The following AGL variants were observed in gnomAD, a reference collection of about 807,000 sequenced individuals.
AGL encodes the protein glycogen debranching enzyme.
Under a neutral mutation model 199.3 loss-of-function variants are expected in AGL, and 128 were observed. That is an observed-to-expected ratio of 0.64 (90% CI 0.56 to 0.74). The LOEUF (loss-of-function observed/expected upper bound fraction) is 0.74, where lower values mean the gene tolerates loss of function less well. Among genes scored for constraint, AGL ranks in the 30% least tolerant of loss-of-function variants. AGL has a pLI of 0.00. For missense variants in AGL, 1,809 were observed against 1,820.8 expected, an observed-to-expected ratio of 0.99 and a Z score of 0.12; for synonymous variants, 584 against 594.7, an observed-to-expected ratio of 0.98 and a Z score of 0.26.
chr1:99,906,301 A>C (rs1238632438), intron 27 of AGL, among the ~76,000 whole-genome samples: 1 of 152,218 alleles, frequency 6.6e-6, no homozygotes, highest in East Asian at 1.9e-4. Context: ...AGAGTTGTAC[A>C]TACTTAGCAT....
intron 21 of AGL, among the ~76,000 whole-genome samples, chr1:99,890,649 AAATAT>A (rs776315997): frequency 3.4e-4 from 50 of 147,498 alleles, no homozygotes; most frequent in African/African-American, 1.1e-3. Context: ...AAGAAAAAAA[AAATAT>A]ATATATATAT....
intron 2 of AGL, among the ~76,000 whole-genome samples, chr1:99,855,975 A>G (rs1437862521): frequency 6.6e-6 from 1 of 152,222 alleles, no homozygotes; most frequent in Non-Finnish European, 1.5e-5. Context: ...AGGGGAAAAG[A>G]TAGAACATAT....
intron 2 of AGL, among the ~76,000 whole-genome samples, chr1:99,856,874 T>C (rs527330742): frequency 6.6e-6 from 1 of 152,234 alleles, no homozygotes; most frequent in Non-Finnish European, 1.5e-5. Context: ...CTGATTTCTC[T>C]ATCTTTTCCC....
intron 21 of AGL, among the ~76,000 whole-genome samples, chr1:99,889,500 C>G (rs1652717007): frequency 6.6e-6 from 1 of 152,058 alleles, no homozygotes; most frequent in Non-Finnish European, 1.5e-5. Flanking sequence ...TCACTTGAGC[C>G]CAAGAGAGGT....
At chr1:99,872,056 A>C (rs894689284) in intron 7 of AGL, among the ~76,000 whole-genome samples, 1 of 152,162 alleles carries the variant, frequency 6.6e-6, no homozygotes, top group Non-Finnish European at 1.5e-5. Context: ...TTGTTCTTTT[A>C]GTTGACAATA....
At position 99,896,270 on chromosome 1, in the gene AGL, G is replaced by A. The variant is rs2100803506; in HGVS notation, c.3260-16G>A. 2 of 1,581,100 alleles carry A rather than the reference G, an allele frequency of 1.3e-6. No homozygotes were observed. The highest frequency in any genetic ancestry group is 1.7e-6 in the Non-Finnish European group (2 of 1,150,126). Reference sequence around the variant, plus strand: ...ATTATGATTAACATATTACTTTGTTGTGTTTTTTTTGTTAGGCTTACCTCA... The same window carrying A: ...ATTATGATTAACATATTACTTTGTTATGTTTTTTTTGTTAGGCTTACCTCA... On this transcript the variant is annotated splice_polypyrimidine_tract_variant and intron_variant, in intron 24 of 33. Coordinates refer to ENST00000361915, the MANE Select transcript of AGL (RefSeq NM_000642.3).
intron 11 of AGL, 88 bp from the exon 12 acceptor site, chr1:99,877,553 C>G: frequency 4.9e-6 from 6 of 1,221,970 alleles, no homozygotes; most frequent in South Asian, 1.2e-5. Context: ...CAGAAATGAT[C>G]AAAGCAATTT....
rs189853189 is a variant in AGL at position 99,903,721 on chromosome 1, A to G, written c.3700+927A>G. On this transcript the variant is annotated intron_variant, in intron 27 of 33. Coordinates refer to ENST00000361915, the MANE Select transcript of AGL (RefSeq NM_000642.3). ...CTGAGGAATCGCCACACTGACTTCC[A>G]CAATGGTTGAACTAGTTAACAGTCC... Among the ~76,000 whole-genome samples, 472 of 152,324 alleles carry G rather than the reference A, an allele frequency of 3.1e-3. 11 individuals carry two copies. Among genetic ancestry groups the G allele is most frequent in the Admixed American group, 0.029 (449 of 15,298 alleles).
Position 99,876,514 on chromosome 1 carries a change from A to C in AGL, c.1340A>C (p.His447Pro). The C allele has an allele frequency of 6.2e-7, 1 of 1,612,770 alleles. No homozygotes were observed. Among genetic ancestry groups the C allele is most frequent in the Admixed American group, 1.7e-5 (1 of 60,010 alleles). Residue 447 changes from histidine to proline, a missense_variant, in exon 11 of 34, where the codon CAT becomes CCT. By Grantham distance (77) the His-to-Pro change is moderately conservative. Transcript: ENST00000361915. ...TTCTCCATGGAAGAATCTATGATTC[A>C]TCTGCCAAATAAAGCTTGTTTTCTG... is the stretch of plus-strand genomic sequence containing the variant. ...IDFSMEESMI[H>P]LPNKACFLMA...
intron 24 of AGL, 62 bp downstream of exon 24, chr1:99,892,669 T>C (rs558992269): frequency 4.0e-6 from 6 of 1,513,424 alleles, no homozygotes; most frequent in South Asian, 3.4e-5. Flanking sequence ...AGAAAAGTTA[T>C]AGGAAAATGA....
Position 99,886,106 on chromosome 1 carries a change from G to A in AGL, c.2681+1403G>A, listed in dbSNP as rs138011841. Among the ~76,000 whole-genome samples the A allele has an allele frequency of 7.1e-3, 1,076 of 152,202 alleles. 8 individuals carry two copies. Among genetic ancestry groups the A allele is most frequent in the African/African-American group, 0.025 (1,034 of 41,516 alleles). On this transcript the variant is annotated intron_variant, in intron 20 of 33. Transcript: ENST00000361915. ...AATACTGAGTATATATTATTATAAC[G>A]TAGTGTTTAAGGGCATGGAGTATAG...
At chr1:99,910,948 G>A in intron 28 of AGL, 101 bp downstream of exon 28, 1 of 1,317,486 alleles carries the variant, frequency 7.6e-7, no homozygotes, top group Non-Finnish European at 1.1e-6. Context: ...TTTACATTAA[G>A]TCAATCAAAA....
At position 99,915,494 on chromosome 1, in the gene AGL, G is replaced by A; in HGVS notation, c.4259+8G>A. ...GAAAACTTTAGATCCAGAGTAAGTT[G>A]GAATATAAGTATTAAGAATGTTATC... On this transcript the variant is annotated splice_region_variant and intron_variant, in intron 31 of 33. Transcript: ENST00000361915. The A allele has an allele frequency of 6.3e-7, 1 of 1,585,884 alleles. No individual in the cohort carries two copies. Among genetic ancestry groups the A allele is most frequent in the Non-Finnish European group, 8.7e-7 (1 of 1,155,140 alleles).
At chr1:99,898,235 AC>A (rs1262612452) in intron 25 of AGL, among the ~76,000 whole-genome samples, 1 of 151,856 alleles carries the variant, frequency 6.6e-6, no homozygotes, top group African/African-American at 2.4e-5. Flanking sequence ...TTTAGTAGAG[AC>A]CGGGTTTCAC....
intron 27 of AGL, among the ~76,000 whole-genome samples, chr1:99,907,693 G>GTTTTTTTTGTTTTT (rs148390359): frequency 8.4e-5 from 10 of 118,972 alleles, no homozygotes; most frequent in African/African-American, 1.2e-4. Context: ...TTTGTTTTTT[G>GTTTTTTTTGTTTTT]TTTTTTTTGC....
intron 25 of AGL, among the ~76,000 whole-genome samples, chr1:99,898,650 T>C (rs967177584): frequency 6.6e-6 from 1 of 152,172 alleles, no homozygotes; most frequent in African/African-American, 2.4e-5. Context: ...TTCTATATAC[T>C]GATTCAGGGA....
At chr1:99,917,839 TATC>T (rs1655243945) in intron 33 of AGL, among the ~76,000 whole-genome samples, 1 of 152,192 alleles carries the variant, frequency 6.6e-6, no homozygotes, top group African/African-American at 2.4e-5. Flanking sequence ...GCCTGTGTGC[TATC>T]ATCATCATCC....
In AGL at chr1:99,900,890, GTTT is replaced by G. The variant is rs35956186; in HGVS notation, c.3588+42_3588+44del. On this transcript the variant is annotated intron_variant, in intron 26 of 33. Coordinates refer to ENST00000361915, the MANE Select transcript of AGL (RefSeq NM_000642.3). ...AAGATATTTCTTAAAATGTTTTTTT[GTTT>G]TTTTTTTTTTTTCTGAAAAATGACT... 3,828 of 1,303,416 alleles carry G rather than the reference GTTT, an allele frequency of 2.9e-3. 3 individuals carry two copies. Among genetic ancestry groups the G allele is most frequent in the African/African-American group, 6.7e-3 (433 of 64,594 alleles). 80.7% of individuals were successfully genotyped at this position (1,303,416 alleles called of 1,614,324 possible).
intron 31 of AGL, 44 bp from the exon 32 acceptor site, chr1:99,916,366 A>G: frequency 7.1e-7 from 1 of 1,413,932 alleles, no homozygotes; most frequent in Non-Finnish European, 9.9e-7. Flanking sequence ...TTTACATAAT[A>G]TCTGATCATC....
Sources: gnomAD v4.1 joint callset for allele counts (sites outside exome capture counted in the v4.1 genomes callset) on GRCh38, gnomAD v4.1.1 for gene constraint, MANE v1.5 for transcripts, NCBI Gene and HGNC (gene_info 2026-07-23, HGNC 2026-07-21) for gene names.